The following HLA-F variants were observed in gnomAD, a reference collection of about 807,000 sequenced individuals.
The protein encoded by HLA-F is HLA class I histocompatibility antigen, alpha chain F.
A neutral mutation model predicts 49.5 loss-of-function variants in HLA-F; 46 were observed. The ratio of observed to expected loss-of-function variants is 0.93; its 90% CI spans 0.73 to 1.19. The LOEUF (loss-of-function observed/expected upper bound fraction) is 1.19, where lower values mean the gene tolerates loss of function less well. HLA-F is among the 50% of genes most tolerant of loss of function. The pLI, the probability that HLA-F is intolerant of heterozygous loss-of-function variation, is 0.00. For missense variants in HLA-F, 496 were observed against 579.6 expected (o/e 0.86, Z 1.48); for synonymous variants, 203 against 233.5 (o/e 0.87, Z 1.19).
rs1775974234 is a variant in HLA-F at position 29,725,685 on chromosome 6, G to A, written c.1003+122G>A. 2.2e-5 allele frequency: 18 copies of A among 837,092 alleles called. No individual in the cohort carries two copies. The East Asian group carries it at 4.4e-4, about 20-fold the overall frequency. The allele number at this position is 837,092 out of a possible 1,614,324, so 51.9% of individuals were successfully genotyped here. On this transcript the variant is annotated intron_variant, in intron 5 of 6. Transcript: ENST00000259951. ...CCATCCACACTCATGGGTCTACCCA[G>A]CCTGGGCCCTGTGTGCCAGCACCTA... is the stretch of plus-strand genomic sequence containing the variant.
chr6:29,737,970 C>T (rs1777260656), intron 3 of HLA-F: 1 of 152,270 alleles, frequency 6.6e-6, no homozygotes, highest in African/African-American at 2.4e-5. Flanking sequence ...CCTCACCTCT[C>T]CACAGGTGCA....
intron 3 of HLA-F, among the ~76,000 whole-genome samples, chr6:29,733,202 A>AAAACAC: frequency 6.6e-6 from 1 of 152,046 alleles, no homozygotes; most frequent in Non-Finnish European, 1.5e-5. Flanking sequence ...AACAAAAACG[A>AAAACAC]AAACAAAAAC....
downstream of HLA-F, among the ~76,000 whole-genome samples, chr6:29,730,664 G>A (rs117134792): frequency 6.6e-5 from 10 of 152,024 alleles, no homozygotes; most frequent in East Asian, 1.9e-3. Context: ...AACCAGAAGG[G>A]CTTTCCAGCT....
intron 6 of HLA-F, 196 bp downstream of exon 6, chr6:29,726,239 G>A (rs747274291): frequency 1.2e-5 from 11 of 952,358 alleles, no homozygotes; most frequent in Non-Finnish European, 1.7e-5. Flanking sequence ...GACACTCCAG[G>A]GCAGGGGCCC....
At chr6:29,736,779 G>A (rs116878102) in intron 3 of HLA-F, 2,513 of 164,686 alleles carry the variant, frequency 0.015, 30 homozygotes, top group Admixed American at 0.034. Flanking sequence ...GTGGCAGTCA[G>A]GTGCTCAGCT....
chr6:29,737,370 T>TA (rs1487172746), intron 3 of HLA-F, among the ~76,000 whole-genome samples: 1 of 151,874 alleles, frequency 6.6e-6, no homozygotes, highest in African/African-American at 2.4e-5. Context: ...CCAGACAATA[T>TA]AAATTTCAAG....
intron 6 of HLA-F, 23 bp downstream of exon 6, chr6:29,726,066 C>A (rs1279100309): frequency 1.2e-6 from 2 of 1,610,730 alleles, no homozygotes; most frequent in Non-Finnish European, 1.7e-6. Flanking sequence ...AGGCTGATCC[C>A]TGAGATTGTT....
intron 6 of HLA-F, chr6:29,726,273 GGAACAGA>G: frequency 9.5e-7 from 1 of 1,051,792 alleles, no homozygotes; most frequent in Non-Finnish European, 1.5e-6. Context: ...GTGTTGGGGG[GGAACAGA>G]GGGGACTCAG....
At chr6:29,728,059 C>T, downstream of HLA-F, 1 of 519,028 alleles carries the variant, frequency 1.9e-6, no homozygotes. Flanking sequence ...GTTTTGTTGC[C>T]ATGACTGGAG....
At chr6:29,726,274 G>GT (rs1776067658) in intron 6 of HLA-F, 8 of 1,061,060 alleles carry the variant, frequency 7.5e-6, no homozygotes, top group Admixed American at 1.7e-5. Context: ...TGTTGGGGGG[G>GT]AACAGAGGGG....
At chr6:29,731,115 A>G (rs1776542459), downstream of HLA-F, among the ~76,000 whole-genome samples, 1 of 152,132 alleles carries the variant, frequency 6.6e-6, no homozygotes, top group South Asian at 2.1e-4. Context: ...CTTCTAGCCT[A>G]GGTGTATTTT....
chr6:29,724,685 TGGAATACCGATCCGC>T (rs142275427), intron 3 of HLA-F, among the ~76,000 whole-genome samples: 6,618 of 152,116 alleles, frequency 0.044, 203 homozygotes, highest in East Asian at 0.11. Context: ...AGACAGTCCC[TGGAATACCGATCCGC>T]GGTCCCCTTT....
In HLA-F at chr6:29,726,909, A is replaced by G; in HGVS notation, c.1063A>G (p.Met355Val). The change falls in exon 7 of 7, where the codon ATG becomes GTG. Residue 355 changes from methionine (M) to valine (V), a missense_variant. Coordinates refer to ENST00000259951, the MANE Select transcript of HLA-F (RefSeq NM_001098479.2). ...CTACTCAGTGGTCAGCGGAAACTTG[A>G]TGATAACATGGTGGTCAAGCTTATT... is the stretch of plus-strand genomic sequence containing the variant. ...AAYSVVSGNL[M>V]ITWWSSLFLL... 1 of 1,605,882 alleles carries G rather than the reference A, an allele frequency of 6.2e-7. No homozygotes were observed. The highest frequency in any genetic ancestry group is 8.5e-7 in the Non-Finnish European group (1 of 1,179,818).
At position 29,726,588 on chromosome 6, in the gene HLA-F, G is replaced by C. The variant is rs557389903; in HGVS notation, c.1037-295G>C. The C allele has an allele frequency of 9.3e-5, 140 of 1,510,698 alleles. 1 individual carries two copies. In the South Asian group the frequency reaches 1.4e-3, roughly 15 times the overall value. The allele number at this position is 1,510,698 out of a possible 1,614,324, so 93.6% of individuals were successfully genotyped here. A position where few individuals can be genotyped will look rare whatever the true frequency, so the allele number is the denominator to read the frequency against. On this transcript the variant is annotated intron_variant, in intron 6 of 6. Coordinates refer to ENST00000259951, the MANE Select transcript of HLA-F (RefSeq NM_001098479.2). ...GTGTGTGTGTGTGTGTGTGTGAAGA[G>C]AAAGAGTGAATAGAGAGATTAAGAT...
intron 1 of HLA-F, 50 bp from the exon 2 acceptor site, chr6:29,723,608 G>T: frequency 6.3e-7 from 1 of 1,599,774 alleles, no homozygotes; most frequent in Non-Finnish European, 8.5e-7. Flanking sequence ...GACTCAGGGA[G>T]CCGCCTCCGG....
chr6:29,732,838 G>A (rs2735054), intron 3 of HLA-F, among the ~76,000 whole-genome samples: 85,134 of 152,042 alleles, frequency 0.56, 24,048 homozygotes, highest in East Asian at 0.72. Flanking sequence ...GATAACCCAT[G>A]ACATATGAAT....
chr6:29,725,952 C>T (rs748413835), intron 5 of HLA-F, 59 bp from the exon 6 acceptor site: 11 of 1,590,248 alleles, frequency 6.9e-6, no homozygotes, highest in South Asian at 1.1e-5. Context: ...GGGGTTTGCT[C>T]TAGGACCTTA....
Position 29,723,671 on chromosome 6 carries a change from GA to G in HLA-F, c.79del (p.Arg27GlyfsTer23), listed in dbSNP as rs767978557. 3.7e-6 allele frequency: 6 copies of G among 1,610,388 alleles called. No individual in the cohort carries two copies. Among genetic ancestry groups the G allele is most frequent in the Non-Finnish European group, 5.1e-6 (6 of 1,178,882 alleles). On this transcript the variant is annotated frameshift_variant, in exon 2 of 7. Transcript: ENST00000259951. LOFTEE classifies it high-confidence loss of function. ...TDTWAGSHSL[R>X]YFSTAVSRPG... ...CCTCGCCCCCAGGCTCCCACTCCTT[GA>G]GGTATTTCAGCACCGCTGTGTCGCG... is the stretch of plus-strand genomic sequence containing the variant.
Position 29,726,956 on chromosome 6 carries a change from A to G in HLA-F, c.1110A>G (p.Gln370=), listed in dbSNP as rs1776159495. Reference sequence around the variant, plus strand: ...TATTTCTCCTGGGGGTGCTCTTCCAAGGATATTTGGGCTGCCTCCGGAGTC... The same window carrying G: ...TATTTCTCCTGGGGGTGCTCTTCCAGGGATATTTGGGCTGCCTCCGGAGTC... ...SSLFLLGVLF[Q]GYLGCLRSHS... Residue 370 remains glutamine (Q), a synonymous_variant, in exon 7 of 7, where the codon CAA becomes CAG. Coordinates refer to ENST00000259951, the MANE Select transcript of HLA-F (RefSeq NM_001098479.2). The G allele has an allele frequency of 6.2e-7, 1 of 1,612,290 alleles. No individual in the cohort carries two copies.
Sources: allele counts gnomAD v4.1 joint callset (sites outside exome capture counted in the v4.1 genomes callset), GRCh38; gene constraint gnomAD v4.1.1; transcripts MANE v1.5; gene names NCBI Gene and HGNC (gene_info 2026-07-23, HGNC 2026-07-21).